The following SAFB variants were observed in gnomAD, a reference collection of about 807,000 sequenced individuals.
SAFB encodes scaffold attachment factor B, also known as scaffold attachment factor B1.
A neutral mutation model predicts 101.6 loss-of-function variants in SAFB; 15 were observed. The ratio of observed to expected loss-of-function variants is 0.15; its 90% CI spans 0.10 to 0.23. The LOEUF (loss-of-function observed/expected upper bound fraction) is 0.23, where lower values mean the gene tolerates loss of function less well. Ranked by LOEUF, SAFB falls within the 10% of genes least tolerant of loss-of-function variation. The probability of loss-of-function intolerance (pLI) is 1.00; values close to 1 mark genes in which losing one functional copy is unlikely to be tolerated. For missense variants in SAFB, 930 were observed against 1,104.1 expected, an observed-to-expected ratio of 0.84 and a Z score of 2.23; for synonymous variants, 449 against 407.5, an observed-to-expected ratio of 1.10 and a Z score of -1.23.
intron 8 of SAFB, among the ~76,000 whole-genome samples, chr19:5,650,756 C>T (rs761581047): frequency 7.9e-5 from 12 of 152,124 alleles, no homozygotes; most frequent in Non-Finnish European, 1.6e-4. Flanking sequence ...TCCCAATAGC[C>T]CCACTCAGTA....
chr19:5,654,608 G>A (rs1466191785), intron 13 of SAFB, 152 bp downstream of exon 13: 2 of 644,710 alleles, frequency 3.1e-6, no homozygotes, highest in South Asian at 1.8e-5. Flanking sequence ...TTTTGAGACA[G>A]GTTCTCACTC....
chr19:5,663,408 G>A (rs544538620), intron 15 of SAFB, among the ~76,000 whole-genome samples: 3 of 152,348 alleles, frequency 2.0e-5, no homozygotes, highest in Non-Finnish European at 4.4e-5. Flanking sequence ...CAGTGATTGT[G>A]TCAGGCTTTA....
chr19:5,648,070 C>CG (rs774963202), intron 6 of SAFB, 27 bp downstream of exon 6: 1 of 1,593,816 alleles, frequency 6.3e-7, no homozygotes, highest in Admixed American at 1.7e-5. Context: ...AACTTACCAG[C>CG]GGGGGTTTGG....
rs2053981509 is a variant in SAFB, at chr19:5,653,319, A to G, written c.1444-19A>G. Reference sequence around the variant, plus strand: ...GCCCACATTAGGAAATGGGGGTAATACTTGATTCTCTTTTTCAGGCCAAAA... The same window carrying G: ...GCCCACATTAGGAAATGGGGGTAATGCTTGATTCTCTTTTTCAGGCCAAAA... On this transcript the variant is annotated intron_variant, in intron 10 of 20. Transcript: ENST00000588852. 2 of 1,614,014 alleles carry G rather than the reference A, an allele frequency of 1.2e-6. No individual in the cohort carries two copies. Among genetic ancestry groups the G allele is most frequent in the Non-Finnish European group, 1.7e-6 (2 of 1,180,000 alleles).
intron 1 of SAFB, among the ~76,000 whole-genome samples, chr19:5,625,197 A>G (rs1398741943): frequency 1.3e-5 from 2 of 152,132 alleles, no homozygotes; most frequent in Admixed American, 6.5e-5. Flanking sequence ...CGTTTCTGTC[A>G]TCCTGTTGGT....
chr19:5,634,380 C>T (rs910299782), intron 2 of SAFB, among the ~76,000 whole-genome samples: 1 of 151,984 alleles, frequency 6.6e-6, no homozygotes, highest in African/African-American at 2.4e-5. Context: ...TAGGATATTG[C>T]AAACAACAGA....
At chr19:5,624,191 C>G (rs906289587) in intron 1 of SAFB, 4 of 151,602 alleles carry the variant, frequency 2.6e-5, no homozygotes, top group African/African-American at 9.7e-5. Context: ...GCATAGGAGA[C>G]CTTGAACCCC....
At chr19:5,645,685 G>A (rs1178465669) in intron 5 of SAFB, among the ~76,000 whole-genome samples, 2 of 152,180 alleles carry the variant, frequency 1.3e-5, no homozygotes, top group East Asian at 1.9e-4. Context: ...GCTTGTGGCA[G>A]GGGAAGGCAG....
intron 17 of SAFB, 107 bp downstream of exon 17, chr19:5,664,546 G>A: frequency 1.2e-6 from 1 of 864,388 alleles, no homozygotes; most frequent in Non-Finnish European, 1.9e-6. Context: ...GGCAAAATGA[G>A]GAAAGAGAAA....
chr19:5,664,505 T>C (rs780775785), intron 17 of SAFB, 66 bp downstream of exon 17: 9 of 1,260,336 alleles, frequency 7.1e-6, no homozygotes, highest in Non-Finnish European at 1.0e-5. Flanking sequence ...CCCTTCAGCG[T>C]GCCTTCTTCC....
chr19:5,654,689 T>C (rs2054015187), intron 13 of SAFB, among the ~76,000 whole-genome samples: 3 of 152,180 alleles, frequency 2.0e-5, no homozygotes, highest in South Asian at 4.1e-4. Context: ...GCTCAAGCGA[T>C]TCTCCTGCCT....
At chr19:5,640,362 T>TC in intron 2 of SAFB, among the ~76,000 whole-genome samples, 1 of 140,210 alleles carries the variant, frequency 7.1e-6, no homozygotes, top group Non-Finnish European at 1.5e-5. Context: ...GATTGGCTTT[T>TC]TTTTTTTTTT....
In SAFB at chr19:5,667,179, C is replaced by A; in HGVS notation, c.2453+15C>A. 1 of 1,456,378 alleles carries A rather than the reference C, an allele frequency of 6.9e-7. No individual in the cohort carries two copies. Among genetic ancestry groups the A allele is most frequent in the South Asian group, 1.2e-5 (1 of 84,636 alleles). 90.2% of individuals were successfully genotyped at this position (1,456,378 alleles called of 1,614,324 possible). A position where few individuals can be genotyped will look rare whatever the true frequency, so the allele number is the denominator to read the frequency against. ...CCTCCCCCCAGGTTTGTGTCCCACA[C>A]CCGACAGTACCTGACCCCCCCCCCG... On this transcript the variant is annotated intron_variant, in intron 18 of 20. Transcript: ENST00000588852. This position sits in a 1 kb window ranked among gnomAD's most constrained non-coding sequence, Gnocchi z 4.0.
chr19:5,651,162 T>C (rs2053930159), intron 9 of SAFB, 90 bp downstream of exon 9: 1 of 770,962 alleles, frequency 1.3e-6, no homozygotes, highest in Non-Finnish European at 2.2e-6. Context: ...GTGAGTTCTT[T>C]GAGAGATACC....
chr19:5,661,534 A>G lies in SAFB; in HGVS notation c.1879A>G (p.Ser627Gly). The part of the protein sequence containing the change: ...SESHSRVRER[S>G]EREQRMQAQW... ...GTTGTGCAGCAGGGTGCGTGAACGCAGTGAACGCGAACAACGCATGCAGGC... is the reference window on the plus strand; with the variant it reads ...GTTGTGCAGCAGGGTGCGTGAACGCGGTGAACGCGAACAACGCATGCAGGC... Residue 627 changes from serine to glycine, a missense_variant, in exon 15 of 21, where the codon AGT becomes GGT. By Grantham distance (56) the Ser-to-Gly change is moderately conservative. This residue lies in a region of SAFB where 159 missense variants were observed against 234.1 expected (regional missense o/e 0.68). Transcript: ENST00000588852. 7 of 1,612,866 alleles carry G rather than the reference A, an allele frequency of 4.3e-6. No homozygotes were observed. Among genetic ancestry groups the G allele is most frequent in the Admixed American group, 1.7e-5 (1 of 60,010 alleles).
chr19:5,661,511 T>C lies in SAFB; in HGVS notation c.1863-7T>C, dbSNP rs1416846179. 4 of 1,611,722 alleles carry C rather than the reference T, an allele frequency of 2.5e-6. No individual in the cohort carries two copies. The highest frequency in any genetic ancestry group is 3.4e-6 in the Non-Finnish European group (4 of 1,179,142). On this transcript the variant is annotated splice_region_variant and splice_polypyrimidine_tract_variant and intron_variant, in intron 14 of 20. Transcript: ENST00000588852. ...AGGTCCCCTTCTGCAGCTCTACTGT[T>C]GTGCAGCAGGGTGCGTGAACGCAGT... is the stretch of plus-strand genomic sequence containing the variant.
chr19:5,625,469 G>T (rs931184259), intron 1 of SAFB, among the ~76,000 whole-genome samples: 2 of 152,172 alleles, frequency 1.3e-5, no homozygotes, highest in African/African-American at 2.4e-5. Context: ...TCTCAATTCA[G>T]ACTTACCCAC....
chr19:5,643,217 A>G (rs928212001), intron 4 of SAFB, among the ~76,000 whole-genome samples: 4 of 152,178 alleles, frequency 2.6e-5, no homozygotes, highest in Non-Finnish European at 5.9e-5. Context: ...AAAGTGATGC[A>G]TATGAGAAGC....
intron 2 of SAFB, 120 bp from the exon 3 acceptor site, chr19:5,641,473 TC>T (rs1325980257): frequency 2.2e-5 from 17 of 776,184 alleles, no homozygotes; most frequent in South Asian, 4.9e-5. Flanking sequence ...TAGGAAGTGT[TC>T]CTAAGTAGTG....
Sources: gnomAD v4.1 joint callset for allele counts (sites outside exome capture counted in the v4.1 genomes callset) on GRCh38, gnomAD v4.1.1 for gene constraint, gnomAD v4.1.1 regional missense constraint, Gnocchi (gnomAD v3.1) non-coding constraint, MANE v1.5 for transcripts, NCBI Gene and HGNC (gene_info 2026-07-23, HGNC 2026-07-21) for gene names.